Variants in TAB2 observed in about 807,000 individuals in gnomAD.
TAB2 encodes TGF-beta activated kinase 1 (MAP3K7) binding protein 2.
Under a neutral mutation model 65.0 loss-of-function variants are expected in TAB2, and 3 were observed. That is an observed-to-expected ratio of 0.05 (90% CI 0.02 to 0.12). TAB2 has a LOEUF of 0.12. Among genes scored for constraint, TAB2 ranks in the 10% least tolerant of loss-of-function variants. The pLI is 1.00. For synonymous variants in TAB2, 298 were observed against 285.1 expected (o/e 1.05, Z -0.46); for missense variants, 623 against 840.3 (o/e 0.74, Z 3.20).
chr6:149,304,844 C>T (rs1412841233), intron 1 of TAB2, among the ~76,000 whole-genome samples: 1 of 152,108 alleles, frequency 6.6e-6, no homozygotes, highest in Non-Finnish European at 1.5e-5. Context: ...TACCAAAATC[C>T]TCAAATGCTC....
At chr6:149,311,441 C>T (rs1319532927) in intron 1 of TAB2, among the ~76,000 whole-genome samples, 1 of 152,162 alleles carries the variant, frequency 6.6e-6, no homozygotes, top group Non-Finnish European at 1.5e-5. Flanking sequence ...TTATTATTGC[C>T]ATTAATAGTT....
chr6:149,397,535 T>C, intron 3 of TAB2, 69 bp from the exon 4 acceptor site: 1 of 1,557,696 alleles, frequency 6.4e-7, no homozygotes, highest in South Asian at 1.1e-5. Context: ...TTGTTTGCTT[T>C]TCCAAGTCTG....
chr6:149,335,561 G>C (rs531549194), intron 1 of TAB2, among the ~76,000 whole-genome samples: 1 of 151,820 alleles, frequency 6.6e-6, no homozygotes, highest in Non-Finnish European at 1.5e-5. Flanking sequence ...TTTTGTAGAG[G>C]CAGGGTTTTG....
intron 1 of TAB2, among the ~76,000 whole-genome samples, chr6:149,300,025 A>G (rs1324292748): frequency 6.6e-6 from 1 of 152,118 alleles, no homozygotes. Context: ...TTTTTTTTAA[A>G]TGTTGCTAGA....
At chr6:149,369,812 G>C in intron 1 of TAB2, 97 bp from the exon 2 acceptor site, 1 of 621,802 alleles carries the variant, frequency 1.6e-6, no homozygotes, top group Non-Finnish European at 2.8e-6. Context: ...AATGTTAAGT[G>C]CTAAAGCACA....
chr6:149,337,513 T>G (rs554395306), intron 1 of TAB2, among the ~76,000 whole-genome samples: 15 of 152,306 alleles, frequency 9.8e-5, no homozygotes, highest in African/African-American at 3.6e-4. Flanking sequence ...TTTGTTCATT[T>G]GTTTGTTTTG....
intron 1 of TAB2, among the ~76,000 whole-genome samples, chr6:149,362,204 G>T (rs1413818471): frequency 1.3e-5 from 2 of 152,182 alleles, no homozygotes; most frequent in Non-Finnish European, 2.9e-5. Flanking sequence ...GACCATTCTT[G>T]CATTGCTGTA....
chr6:149,367,854 G>C (rs540704086), intron 1 of TAB2, among the ~76,000 whole-genome samples: 1 of 152,218 alleles, frequency 6.6e-6, no homozygotes, highest in South Asian at 2.1e-4. Flanking sequence ...GGAAAGGATT[G>C]ATTTGGATGG....
intron 1 of TAB2, among the ~76,000 whole-genome samples, chr6:149,329,147 T>C (rs1779709087): frequency 6.6e-6 from 1 of 152,114 alleles, no homozygotes; most frequent in Non-Finnish European, 1.5e-5. Flanking sequence ...ATCCTTCAAA[T>C]GGATGGAAGA....
At chr6:149,403,972 A>G (rs149560682) in intron 6 of TAB2, among the ~76,000 whole-genome samples, 559 of 152,308 alleles carry the variant, frequency 3.7e-3, no homozygotes, top group Non-Finnish European at 5.5e-3. Context: ...TCCAAACTAT[A>G]TCACCTAGCC....
At chr6:149,337,805 C>A (rs1362658609) in intron 1 of TAB2, among the ~76,000 whole-genome samples, 1 of 152,028 alleles carries the variant, frequency 6.6e-6, no homozygotes, top group Non-Finnish European at 1.5e-5. Context: ...GGAAGACTGG[C>A]AGGGAGCTAA....
At chr6:149,320,582 A>C (rs765747529) in intron 1 of TAB2, among the ~76,000 whole-genome samples, 5 of 152,224 alleles carry the variant, frequency 3.3e-5, no homozygotes, top group Non-Finnish European at 5.9e-5. Context: ...AACCTACTGC[A>C]TTTTGAAAAA....
chr6:149,375,748 TA>T (rs1465579509), intron 2 of TAB2, among the ~76,000 whole-genome samples: 4 of 152,314 alleles, frequency 2.6e-5, no homozygotes, highest in African/African-American at 9.6e-5. Flanking sequence ...GATCTAATTA[TA>T]ATAGGAATCG....
intron 1 of TAB2, among the ~76,000 whole-genome samples, chr6:149,322,598 G>A (rs908449089): frequency 2.6e-5 from 4 of 152,120 alleles, no homozygotes; most frequent in African/African-American, 9.7e-5. Context: ...TAGCTTCTCT[G>A]AGCTTGTTTT....
intron 3 of TAB2, among the ~76,000 whole-genome samples, chr6:149,391,665 T>C (rs1050816940): frequency 2.0e-5 from 3 of 151,962 alleles, no homozygotes; most frequent in Non-Finnish European, 2.9e-5. Flanking sequence ...CCTCAGCATC[T>C]GGAGTAGCTG....
chr6:149,294,539 T>C (rs1778840955), intron 1 of TAB2, among the ~76,000 whole-genome samples: 1 of 152,250 alleles, frequency 6.6e-6, no homozygotes, highest in Non-Finnish European at 1.5e-5. Context: ...TATAAATGGC[T>C]TCTAATATGC....
chr6:149,219,306 T>TTGTGTGTG (rs3064238), intron 1 of TAB2, among the ~76,000 whole-genome samples: 3,433 of 146,196 alleles, frequency 0.023, 100 homozygotes, highest in South Asian at 0.073. Context: ...ATTTTAACAT[T>TTGTGTGTG]TGTGTGTGTG....
chr6:149,308,137 T>A (rs1337522129), intron 1 of TAB2, among the ~76,000 whole-genome samples: 1 of 152,246 alleles, frequency 6.6e-6, no homozygotes, highest in Non-Finnish European at 1.5e-5. Flanking sequence ...TTACGGTTGT[T>A]TTCTATTTTT....
At chr6:149,341,278 A>G (rs573373888) in intron 1 of TAB2, among the ~76,000 whole-genome samples, 52 of 152,228 alleles carry the variant, frequency 3.4e-4, no homozygotes, top group African/African-American at 1.2e-3. Flanking sequence ...CCTCTCTCAT[A>G]TACTCAATTT....
Sources: allele counts gnomAD v4.1 joint callset (sites outside exome capture counted in the v4.1 genomes callset), GRCh38; gene constraint gnomAD v4.1.1; transcripts MANE v1.5; gene names NCBI Gene and HGNC (gene_info 2026-07-23, HGNC 2026-07-21).